Variants in SLC22A16 observed in about 807,000 individuals in gnomAD.
The protein encoded by SLC22A16 is solute carrier family 22 member 16.
In SLC22A16, 53 loss-of-function variants were observed where a neutral mutation model predicts 52.9. The ratio of observed to expected loss-of-function variants is 1.00; its 90% CI spans 0.80 to 1.26. SLC22A16 has a LOEUF of 1.26. Ranked by LOEUF, SLC22A16 falls within the 50% of genes most tolerant of loss-of-function variation. The probability of loss-of-function intolerance (pLI) is 0.00; values close to 1 mark genes in which losing one functional copy is unlikely to be tolerated. For synonymous variants in SLC22A16, 291 were observed against 268.8 expected, an observed-to-expected ratio of 1.08 and a Z score of -0.81; for missense variants, 726 against 704.0, an observed-to-expected ratio of 1.03 and a Z score of -0.35.
chr6:110,441,843 T>G (rs1198299369), intron 4 of SLC22A16, among the ~76,000 whole-genome samples: 4 of 152,314 alleles, frequency 2.6e-5, no homozygotes, highest in African/African-American at 9.6e-5. Context: ...TTAAAAAGTC[T>G]GTACGCGGCA....
chr6:110,459,860 T>C (rs1775804757), intron 1 of SLC22A16, among the ~76,000 whole-genome samples: 1 of 152,146 alleles, frequency 6.6e-6, no homozygotes, highest in Non-Finnish European at 1.5e-5. Flanking sequence ...CAGTGACATA[T>C]TTTCTGAAGT....
At chr6:110,454,110 G>A (rs775496900) in intron 2 of SLC22A16, among the ~76,000 whole-genome samples, 9 of 152,178 alleles carry the variant, frequency 5.9e-5, no homozygotes, top group East Asian at 1.9e-4. Flanking sequence ...TCCCAACACC[G>A]CCACACTGGG....
chr6:110,432,000 T>C (rs528064172), intron 6 of SLC22A16, among the ~76,000 whole-genome samples: 38 of 152,350 alleles, frequency 2.5e-4, no homozygotes, highest in Middle Eastern at 6.8e-3. Context: ...CTGTGTACTG[T>C]TCTATTTCAA....
chr6:110,444,158 G>A (rs1391015672), intron 3 of SLC22A16, among the ~76,000 whole-genome samples: 2 of 152,094 alleles, frequency 1.3e-5, no homozygotes, highest in East Asian at 3.9e-4. Flanking sequence ...GAAAACTGGG[G>A]AAAAACTTTA....
chr6:110,454,325 C>G (rs1225488515), intron 2 of SLC22A16, among the ~76,000 whole-genome samples: 1 of 151,692 alleles, frequency 6.6e-6, no homozygotes, highest in Non-Finnish European at 1.5e-5. Flanking sequence ...TCAACAAATT[C>G]CGCCGAGAGA....
In SLC22A16 at chr6:110,466,911, T is replaced by TGATAGATAGATAGATAGATA. The variant is rs3045569; in HGVS notation, c.53+9591_53+9610dup. 5.7e-5 allele frequency among the ~76,000 whole-genome samples: 8 copies of TGATAGATAGATAGATAGATA among 140,664 alleles called. No homozygotes were observed. The East Asian group carries it at 6.4e-4, about 11-fold the overall frequency. The allele number at this position is 140,664 out of a possible 152,430, so 92.3% of individuals were successfully genotyped here. On this transcript the variant is annotated intron_variant, in intron 1 of 7. Coordinates refer to ENST00000368919, the MANE Select transcript of SLC22A16 (RefSeq NM_033125.4). ...AGTGGTTAACTGGATAAAGAAAATG[T>TGATAGATAGATAGATAGATA]GATAGATAGATAGATAGATAGATAG...
chr6:110,444,947 C>A (rs1001651293), intron 3 of SLC22A16, among the ~76,000 whole-genome samples: 7 of 152,282 alleles, frequency 4.6e-5, no homozygotes, highest in Non-Finnish European at 1.0e-4. Flanking sequence ...CTAATTATTT[C>A]TCATGAGTCA....
intron 2 of SLC22A16, 148 bp downstream of exon 2, chr6:110,456,390 C>A: frequency 3.0e-6 from 3 of 985,942 alleles, no homozygotes; most frequent in Non-Finnish European, 4.5e-6. Context: ...CATTATACAT[C>A]CCTAAATAAT....
At position 110,454,905 on chromosome 6, in the gene SLC22A16, T is replaced by C. The variant is rs865888687; in HGVS notation, c.533+1633A>G. On this transcript the variant is annotated intron_variant, in intron 2 of 7. Coordinates refer to ENST00000368919, the MANE Select transcript of SLC22A16 (RefSeq NM_033125.4). ...TATATTATAATATATATAATATATG[T>C]TATATTATATATAATATATATATTA... is the stretch of plus-strand genomic sequence containing the variant. Among the ~76,000 whole-genome samples the C allele has an allele frequency of 1.8e-3, 162 of 89,446 alleles. 2 individuals are homozygous for C. The highest frequency in any genetic ancestry group is 7.3e-3 in the African/African-American group (155 of 21,104). 58.7% of individuals were successfully genotyped at this position (89,446 alleles called of 152,430 possible). A position where few individuals can be genotyped will look rare whatever the true frequency, so the allele number is the denominator to read the frequency against.
chr6:110,467,322 TTTCCTTCTC>T (rs1306369491), intron 1 of SLC22A16, among the ~76,000 whole-genome samples: 10 of 152,210 alleles, frequency 6.6e-5, no homozygotes, highest in Non-Finnish European at 8.8e-5. Flanking sequence ...AGTCCCCACT[TTTCCTTCTC>T]TTCCTTCTCT....
intron 7 of SLC22A16, among the ~76,000 whole-genome samples, chr6:110,427,789 A>G (rs1228760202): frequency 6.6e-6 from 1 of 152,180 alleles, no homozygotes; most frequent in Non-Finnish European, 1.5e-5. Context: ...GCTATTATAT[A>G]TTGAAAAACA....
chr6:110,458,087 C>G (rs1006218827), intron 1 of SLC22A16, among the ~76,000 whole-genome samples: 2 of 152,082 alleles, frequency 1.3e-5, no homozygotes, highest in African/African-American at 4.8e-5. Flanking sequence ...ATAGCAGTAG[C>G]AGAATTAGTG....
chr6:110,476,507 G>GCCCCCCCCCCCCCC lies in SLC22A16; in HGVS notation c.53+14_53+15insGGGGGGGGGGGGGG, dbSNP rs1554229887. 9.3e-7 allele frequency: 1 copy of GCCCCCCCCCCCCCC among 1,072,992 alleles called. No homozygotes were observed. The highest frequency in any genetic ancestry group is 2.8e-5 in the African/African-American group (1 of 35,460). The allele number at this position is 1,072,992 out of a possible 1,614,324, so 66.5% of individuals were successfully genotyped here. ...GCCGCCTCCCGCGTGGCGCCGCGGG[G>GCCCCCCCCCCCCCC]CCCCTCCCCCATACCTGCCGAAGTG... is the stretch of plus-strand genomic sequence containing the variant. On this transcript the variant is annotated intron_variant, in intron 1 of 7. Coordinates refer to ENST00000368919, the MANE Select transcript of SLC22A16 (RefSeq NM_033125.4).
At position 110,471,823 on chromosome 6, in the gene SLC22A16, A is replaced by G. The variant is rs1776270538; in HGVS notation, c.53+4699T>C. Reference sequence around the variant, plus strand: ...GTGGACACTTTTCTGCATATATGTAATATATCAATTTAAAAGTTTTCTATC... The same window carrying G: ...GTGGACACTTTTCTGCATATATGTAGTATATCAATTTAAAAGTTTTCTATC... On this transcript the variant is annotated intron_variant, in intron 1 of 7. Transcript: ENST00000368919. 2.0e-5 allele frequency among the ~76,000 whole-genome samples: 3 copies of G among 152,172 alleles called. No homozygotes were observed. The South Asian group carries it at 6.2e-4, about 32-fold the overall frequency.
chr6:110,439,082 G>A (rs1774861195), intron 4 of SLC22A16, among the ~76,000 whole-genome samples: 1 of 152,172 alleles, frequency 6.6e-6, no homozygotes, highest in African/African-American at 2.4e-5. Flanking sequence ...CCTGGCACCT[G>A]CAAATGGCAC....
chr6:110,442,195 G>A lies in SLC22A16; in HGVS notation c.1183+49C>T, dbSNP rs989076438. Reference sequence around the variant, plus strand: ...AGAAACAGACACACACACACAAATGGTAGAAATCTCACTTCACTGCCAAAT... The same window carrying A: ...AGAAACAGACACACACACACAAATGATAGAAATCTCACTTCACTGCCAAAT... On this transcript the variant is annotated intron_variant, in intron 4 of 7. Transcript: ENST00000368919. The A allele has an allele frequency of 4.5e-6, 7 of 1,546,560 alleles. No homozygotes were observed. In the African/African-American group the frequency reaches 9.6e-5, roughly 21 times the overall value.
intron 1 of SLC22A16, among the ~76,000 whole-genome samples, chr6:110,460,768 C>T (rs1173078060): frequency 6.6e-6 from 1 of 152,102 alleles, no homozygotes; most frequent in Non-Finnish European, 1.5e-5. Context: ...CAGAAACATA[C>T]CCCACAACCA....
intron 1 of SLC22A16, among the ~76,000 whole-genome samples, chr6:110,457,658 C>T (rs1775716322): frequency 6.6e-6 from 1 of 152,094 alleles, no homozygotes; most frequent in Non-Finnish European, 1.5e-5. Flanking sequence ...CAACCATAAC[C>T]TAAGAAAAAC....
Position 110,462,676 on chromosome 6 carries a change from G to A in SLC22A16, c.54-5659C>T, listed in dbSNP as rs551187354. On this transcript the variant is annotated intron_variant, in intron 1 of 7. Coordinates refer to ENST00000368919, the MANE Select transcript of SLC22A16 (RefSeq NM_033125.4). ...ACTTATATGTAATCCTGAGAGAGAA[G>A]AAGAAAAAGTAAGCAATTATATTTA... Among the ~76,000 whole-genome samples, 10 of 152,156 alleles carry A rather than the reference G, an allele frequency of 6.6e-5. No homozygotes were observed. The South Asian group carries it at 2.1e-3, about 32-fold the overall frequency.
Sources: allele counts gnomAD v4.1 joint callset (sites outside exome capture counted in the v4.1 genomes callset), GRCh38; gene constraint gnomAD v4.1.1; transcripts MANE v1.5; gene names NCBI Gene and HGNC (gene_info 2026-07-23, HGNC 2026-07-21).